The following SERF1B variants were observed in gnomAD, a reference collection of about 807,000 sequenced individuals.
SERF1B encodes the protein small EDRK-rich factor 1B.
chr5:70,029,325 T>G (rs1295312137), intron 2 of SERF1B, among the ~76,000 whole-genome samples: 1 of 151,698 alleles, frequency 6.6e-6, no homozygotes, highest in African/African-American at 2.4e-5. Context: ...TAGTAGAGAC[T>G]GGGTTTCACC....
At chr5:70,038,111 A>G (rs1327859508) in intron 2 of SERF1B, among the ~76,000 whole-genome samples, 7 of 141,486 alleles carry the variant, frequency 4.9e-5, no homozygotes, top group Admixed American at 4.2e-4. Context: ...TATTTAAAAG[A>G]AATTTACCTA....
At position 70,035,383 on chromosome 5, in the gene SERF1B, A is replaced by ATTATTT. The variant is rs1554065471; in HGVS notation, c.117-6139_117-6138insATTTTT. Reference sequence around the variant, plus strand: ...AATTTTAATTATTATTATTATTATTATTTTTTTTTTTTTTTGAGACGGAGT... The same window carrying ATTATTT: ...AATTTTAATTATTATTATTATTATTATTATTTTTTTTTTTTTTTTTTGAGACGGAGT... On this transcript the variant is annotated intron_variant, in intron 2 of 2. Coordinates refer to ENST00000380750, the MANE Select transcript of SERF1B (RefSeq NM_022978.3). 8.6e-4 allele frequency among the ~76,000 whole-genome samples: 118 copies of ATTATTT among 136,456 alleles called. 1 individual carries two copies. Among genetic ancestry groups the ATTATTT allele is most frequent in the Non-Finnish European group, 1.2e-3 (78 of 62,706 alleles). 89.5% of individuals were successfully genotyped at this position (136,456 alleles called of 152,430 possible).
chr5:70,040,811 AAAGAATTCTCTATTTTG>A (rs1249989622), intron 2 of SERF1B, among the ~76,000 whole-genome samples: 1 of 120,380 alleles, frequency 8.3e-6, no homozygotes, highest in Non-Finnish European at 1.8e-5. Context: ...GTTACGTCTA[AAAGAATTCTCTATTTTG>A]CTGCTATGCA....
At chr5:70,038,100 G>A (rs1035219588) in intron 2 of SERF1B, among the ~76,000 whole-genome samples, 1 of 138,086 alleles carries the variant, frequency 7.2e-6, no homozygotes, top group Non-Finnish European at 1.5e-5. Flanking sequence ...CTGAGCCTTG[G>A]TATTTAAAAG....
In SERF1B at chr5:70,029,453, T is replaced by G. The variant is rs1314651764; in HGVS notation, c.116+2938T>G. Among the ~76,000 whole-genome samples, 4 of 150,646 alleles carry G rather than the reference T, an allele frequency of 2.7e-5. 1 individual carries two copies. The highest frequency in any genetic ancestry group is 5.9e-5 in the Non-Finnish European group (4 of 67,694). On this transcript the variant is annotated intron_variant, in intron 2 of 2. Coordinates refer to ENST00000380750, the MANE Select transcript of SERF1B (RefSeq NM_022978.3). ...GCTGGCCCAGTTATACCTTTTTTTT[T>G]TTTTTTGAATTTTTTTTTTATTATT... is the stretch of plus-strand genomic sequence containing the variant.
intron 2 of SERF1B, among the ~76,000 whole-genome samples, chr5:70,038,256 T>C (rs1774226574): frequency 6.7e-6 from 1 of 150,306 alleles, no homozygotes; most frequent in African/African-American, 2.5e-5. Flanking sequence ...AGGGGGCTGT[T>C]AGGGTAGCTT....
At position 70,029,758 on chromosome 5, in the gene SERF1B, T is replaced by C. The variant is rs536298705; in HGVS notation, c.116+3243T>C. On this transcript the variant is annotated intron_variant, in intron 2 of 2. Transcript: ENST00000380750. The stretch of plus-strand genomic sequence containing the variant: ...AAGGTCCTGACACCTTTTTTTTTTT[T>C]TTCCCAGATATGGCGTCTTACTCTG... 208 of 454,768 alleles carry C rather than the reference T, an allele frequency of 4.6e-4. 2 individuals carry two copies. The highest frequency in any genetic ancestry group is 4.1e-3 in the African/African-American group (203 of 50,008). The allele number at this position is 454,768 out of a possible 1,614,324, so 28.2% of individuals were successfully genotyped here. A position where few individuals can be genotyped will look rare whatever the true frequency, so the allele number is the denominator to read the frequency against.
intron 2 of SERF1B, among the ~76,000 whole-genome samples, chr5:70,029,426 A>C (rs1774116534): frequency 6.8e-6 from 1 of 147,130 alleles, no homozygotes. Flanking sequence ...GTGAGCCACC[A>C]CGCTGGCCCA....
intron 2 of SERF1B, among the ~76,000 whole-genome samples, chr5:70,029,573 A>G (rs1286373486): frequency 1.4e-5 from 2 of 144,714 alleles, no homozygotes; most frequent in Non-Finnish European, 1.5e-5. Flanking sequence ...TCAACTCATC[A>G]TTTACATTAG....
At chr5:70,041,449 T>C (rs1468613613) in intron 2 of SERF1B, 75 bp from the exon 3 acceptor site, 5 of 633,984 alleles carry the variant, frequency 7.9e-6, no homozygotes, top group Non-Finnish European at 1.4e-5. Flanking sequence ...GGGAATGTAT[T>C]TGATTCTGAG....
chr5:70,041,331 C>T (rs1430740157), intron 2 of SERF1B, among the ~76,000 whole-genome samples, 193 bp from the exon 3 acceptor site: 1 of 146,566 alleles, frequency 6.8e-6, no homozygotes, highest in Non-Finnish European at 1.5e-5. Flanking sequence ...TCTCAGCCTT[C>T]AGTAAGCCAG....
In SERF1B at chr5:70,029,083, A is replaced by G. The variant is rs1165423541; in HGVS notation, c.116+2568A>G. On this transcript the variant is annotated intron_variant, in intron 2 of 2. Transcript: ENST00000380750. ...TCATCCAGTTCTGATTTAATTGGTC[A>G]GAGGTCGAGCATTAAAAAGCACCCT... Among the ~76,000 whole-genome samples the G allele has an allele frequency of 2.6e-5, 4 of 152,058 alleles. No individual in the cohort carries two copies. The East Asian group carries it at 7.7e-4, about 29-fold the overall frequency.
rs763970203 is a variant in SERF1B, at chr5:70,035,383, A to ATTT, written c.117-6128_117-6126dup. Among the ~76,000 whole-genome samples, 574 of 135,914 alleles carry ATTT rather than the reference A, an allele frequency of 4.2e-3. 4 individuals are homozygous for ATTT. The highest frequency in any genetic ancestry group is 5.5e-3 in the Non-Finnish European group (343 of 62,400). The allele number at this position is 135,914 out of a possible 152,430, so 89.2% of individuals were successfully genotyped here. A position where few individuals can be genotyped will look rare whatever the true frequency, so the allele number is the denominator to read the frequency against. On this transcript the variant is annotated intron_variant, in intron 2 of 2. Coordinates refer to ENST00000380750, the MANE Select transcript of SERF1B (RefSeq NM_022978.3). ...AATTTTAATTATTATTATTATTATTATTTTTTTTTTTTTTTGAGACGGAGT... is the reference window on the plus strand; with the variant it reads ...AATTTTAATTATTATTATTATTATTATTTTTTTTTTTTTTTTTTGAGACGGAGT...
chr5:70,029,721 T>C (rs921418131), intron 2 of SERF1B: 5 of 454,718 alleles, frequency 1.1e-5, no homozygotes, highest in African/African-American at 1.0e-4. Context: ...TTAAAGACCT[T>C]AATTTAAGGC....
At chr5:70,036,624 C>CAT (rs1774190158) in intron 2 of SERF1B, among the ~76,000 whole-genome samples, 2 of 139,612 alleles carry the variant, frequency 1.4e-5, no homozygotes, top group Non-Finnish European at 3.1e-5. Context: ...CACACACACA[C>CAT]ACACACTCTC....
Position 70,037,688 on chromosome 5 carries a change from G to T in SERF1B, c.117-3836G>T, listed in dbSNP as rs1240647002. 4.3e-5 allele frequency among the ~76,000 whole-genome samples: 5 copies of T among 115,380 alleles called. 1 individual carries two copies. The highest frequency in any genetic ancestry group is 8.3e-5 in the Non-Finnish European group (5 of 60,502). The allele number at this position is 115,380 out of a possible 152,430, so 75.7% of individuals were successfully genotyped here. ...ATAAAAAACAAGGCCGGGCATGGTG[G>T]CTCATGCCTATAATCCAGCACTTTG... On this transcript the variant is annotated intron_variant, in intron 2 of 2. Coordinates refer to ENST00000380750, the MANE Select transcript of SERF1B (RefSeq NM_022978.3).
At chr5:70,038,285 CAG>C (rs1273345665) in intron 2 of SERF1B, among the ~76,000 whole-genome samples, 17 of 147,106 alleles carry the variant, frequency 1.2e-4, no homozygotes, top group Non-Finnish European at 1.6e-4. Flanking sequence ...ATATTTCATA[CAG>C]AGTTACGTAT....
At chr5:70,035,380 A>ATTATTATT (rs1774169382) in intron 2 of SERF1B, among the ~76,000 whole-genome samples, 1 of 139,202 alleles carries the variant, frequency 7.2e-6, no homozygotes, top group Non-Finnish European at 1.6e-5. Context: ...TATTATTATT[A>ATTATTATT]TTATTTTTTT....
chr5:70,036,663 T>TCTCTCA (rs1365441726), intron 2 of SERF1B, among the ~76,000 whole-genome samples: 1 of 148,990 alleles, frequency 6.7e-6, no homozygotes, highest in Non-Finnish European at 1.5e-5. Flanking sequence ...TCTCTCTCTC[T>TCTCTCA]CAAAAACACT....
Sources: allele counts gnomAD v4.1 joint callset (sites outside exome capture counted in the v4.1 genomes callset), GRCh38; gene constraint gnomAD v4.1.1; transcripts MANE v1.5; gene names NCBI Gene and HGNC (gene_info 2026-07-23, HGNC 2026-07-21).